The following LDAH variants were observed in gnomAD, a reference collection of about 807,000 sequenced individuals.
LDAH encodes the protein lipid droplet associated hydrolase, also known as lipid droplet-associated hydrolase.
LDAH carries 26 observed loss-of-function variants against 29.6 expected under a neutral mutation model. The ratio of observed to expected loss-of-function variants is 0.88; its 90% CI spans 0.64 to 1.22. The LOEUF is 1.22. LDAH is among the 50% of genes most tolerant of loss of function. The probability of loss-of-function intolerance (pLI) is 0.00; values close to 1 mark genes in which losing one functional copy is unlikely to be tolerated. For synonymous variants in LDAH, 117 were observed against 133.0 expected (o/e 0.88, Z 0.83); for missense variants, 344 against 387.3 (o/e 0.89, Z 0.94).
chr2:20,783,716 A>G (rs1670359814), intron 3 of LDAH, among the ~76,000 whole-genome samples: 1 of 151,950 alleles, frequency 6.6e-6, no homozygotes, highest in Admixed American at 6.6e-5. Flanking sequence ...TAAAATGTTT[A>G]TTTGTTTGTT....
rs562191227 is a variant in LDAH at position 20,735,361 on chromosome 2, A to G, written c.703+4610T>C. Among the ~76,000 whole-genome samples the G allele has an allele frequency of 2.6e-5, 4 of 151,994 alleles. No individual in the cohort carries two copies. The East Asian group carries it at 7.7e-4, about 29-fold the overall frequency. On this transcript the variant is annotated intron_variant, in intron 5 of 6. Coordinates refer to ENST00000237822, the MANE Select transcript of LDAH (RefSeq NM_021925.4). ...GGATAATTTCTATTAATCTAATCTC[A>G]TATTCACTGATTCTTTCCTCTTTGT...
At chr2:20,723,644 C>T (rs1665819597) in intron 5 of LDAH, among the ~76,000 whole-genome samples, 1 of 151,940 alleles carries the variant, frequency 6.6e-6, no homozygotes, top group Non-Finnish European at 1.5e-5. Flanking sequence ...GTAATTGCTC[C>T]AAGGAAGCCA....
chr2:20,740,815 A>G (rs556936260), intron 4 of LDAH, among the ~76,000 whole-genome samples: 1 of 152,296 alleles, frequency 6.6e-6, no homozygotes, highest in Middle Eastern at 3.4e-3. Context: ...CATGGTAAGA[A>G]TATGTTTAGC....
chr2:20,718,169 TA>T (rs1413823186), intron 5 of LDAH, among the ~76,000 whole-genome samples: 5 of 152,092 alleles, frequency 3.3e-5, no homozygotes, highest in Non-Finnish European at 5.9e-5. Flanking sequence ...TACCTATCAA[TA>T]ATAACATTGA....
chr2:20,779,464 T>C (rs1670034739), intron 3 of LDAH, among the ~76,000 whole-genome samples: 1 of 152,034 alleles, frequency 6.6e-6, no homozygotes, highest in East Asian at 1.9e-4. Context: ...TGTATACCTT[T>C]TTTTTTAAGA....
chr2:20,774,992 A>G lies in LDAH; in HGVS notation c.299-13T>C, dbSNP rs200378620. 1.9e-5 allele frequency: 30 copies of G among 1,576,394 alleles called. No homozygotes were observed. Among genetic ancestry groups the G allele is most frequent in the Non-Finnish European group, 2.5e-5 (29 of 1,156,648 alleles). Reference sequence around the variant, plus strand: ...TGAGCGTTTGAATCTAAAAGCAAAAATATGAGCACGTTTTCATTAAGTAAA... The same window carrying G: ...TGAGCGTTTGAATCTAAAAGCAAAAGTATGAGCACGTTTTCATTAAGTAAA... On this transcript the variant is annotated splice_polypyrimidine_tract_variant and intron_variant, in intron 3 of 6. Transcript: ENST00000237822.
rs370037239 is a variant in LDAH at position 20,711,672 on chromosome 2, C to T, written c.704-10020G>A. Among the ~76,000 whole-genome samples the T allele has an allele frequency of 3.3e-5, 5 of 152,210 alleles. No individual in the cohort carries two copies. In the South Asian group the frequency reaches 1.0e-3, roughly 32 times the overall value. ...ACAGACTGTACCTGGAAAAATGGGA[C>T]ACTCTTGCTCAAATACTGCACTTTT... On this transcript the variant is annotated intron_variant, in intron 5 of 6. Coordinates refer to ENST00000237822, the MANE Select transcript of LDAH (RefSeq NM_021925.4).
chr2:20,759,776 C>T (rs1209753687), intron 4 of LDAH, among the ~76,000 whole-genome samples: 3 of 152,132 alleles, frequency 2.0e-5, no homozygotes, highest in African/African-American at 4.8e-5. Context: ...TATGAATGTG[C>T]TCTTCTATGA....
intron 4 of LDAH, among the ~76,000 whole-genome samples, chr2:20,773,427 GA>G (rs1669567652): frequency 6.6e-6 from 1 of 152,154 alleles, no homozygotes; most frequent in East Asian, 1.9e-4. Context: ...ACACCATAAA[GA>G]TGGCAACCAC....
intron 1 of LDAH, among the ~76,000 whole-genome samples, chr2:20,809,333 A>G (rs1018408806): frequency 6.6e-6 from 1 of 152,248 alleles, no homozygotes; most frequent in African/African-American, 2.4e-5. Context: ...AGGGAGTCGG[A>G]GGTTGCAGTG....
chr2:20,758,754 G>A (rs1668486908), intron 4 of LDAH, among the ~76,000 whole-genome samples: 1 of 152,132 alleles, frequency 6.6e-6, no homozygotes, highest in Non-Finnish European at 1.5e-5. Context: ...GATGGTGTGG[G>A]ACAAAGCAGA....
intron 4 of LDAH, among the ~76,000 whole-genome samples, chr2:20,741,417 C>A (rs1667165795): frequency 6.6e-6 from 1 of 152,098 alleles, no homozygotes; most frequent in East Asian, 1.9e-4. Context: ...GAGCTATAAT[C>A]CATTTTGAGT....
intron 5 of LDAH, among the ~76,000 whole-genome samples, chr2:20,720,662 A>G (rs1442357066): frequency 6.6e-6 from 1 of 152,146 alleles, no homozygotes; most frequent in Non-Finnish European, 1.5e-5. Context: ...CGAATTGCTA[A>G]GGAATCCTAA....
intron 3 of LDAH, chr2:20,788,862 A>T: frequency 6.1e-6 from 2 of 330,004 alleles, no homozygotes; most frequent in South Asian, 6.8e-5. Context: ...TATTTAAGTT[A>T]TTTTTTCTCT....
intron 3 of LDAH, among the ~76,000 whole-genome samples, chr2:20,786,592 A>G (rs1272690912): frequency 6.6e-6 from 1 of 152,076 alleles, no homozygotes; most frequent in Non-Finnish European, 1.5e-5. Context: ...TTTCCCTAAG[A>G]ACTCCTTCTT....
rs182547287 is a variant in LDAH, at chr2:20,777,400, A to G, written c.299-2421T>C. 6.0e-3 allele frequency among the ~76,000 whole-genome samples: 910 copies of G among 152,306 alleles called. 13 individuals are homozygous for G. Among genetic ancestry groups the G allele is most frequent in the African/African-American group, 0.021 (871 of 41,572 alleles). On this transcript the variant is annotated intron_variant, in intron 3 of 6. Transcript: ENST00000237822. ...AAAAATGTACAATGACTGAAAATTT[A>G]AATGTGCTATCTTTTAAAATTTATT... is the stretch of plus-strand genomic sequence containing the variant.
At chr2:20,745,951 G>A (rs192586316) in intron 4 of LDAH, among the ~76,000 whole-genome samples, 1 of 152,228 alleles carries the variant, frequency 6.6e-6, no homozygotes, top group Non-Finnish European at 1.5e-5. Flanking sequence ...AAGGCAGTTA[G>A]GGGGTGAGCT....
At chr2:20,696,318 A>T (rs1044900300) in intron 6 of LDAH, among the ~76,000 whole-genome samples, 3 of 152,130 alleles carry the variant, frequency 2.0e-5, no homozygotes, top group African/African-American at 7.2e-5. Flanking sequence ...GCTAAGAGGG[A>T]TGGGGAGAGA....
rs576074876 is a variant in LDAH at position 20,686,772 on chromosome 2, G to C, written c.*131C>G. 1 of 789,226 alleles carries C rather than the reference G, an allele frequency of 1.3e-6. No individual in the cohort carries two copies. The highest frequency in any genetic ancestry group is 2.7e-5 in the East Asian group (1 of 37,456). The allele number at this position is 789,226 out of a possible 1,614,324, so 48.9% of individuals were successfully genotyped here. On this transcript the variant is annotated 3_prime_UTR_variant, in exon 7 of 7. Transcript: ENST00000237822. ...CCTATAACATGGCGAGCGGAGAGTT[G>C]GTTTGTAAGACAAAGGTTCTCACTT...
Sources: gnomAD v4.1 joint callset for allele counts (sites outside exome capture counted in the v4.1 genomes callset) on GRCh38, gnomAD v4.1.1 for gene constraint, MANE v1.5 for transcripts, NCBI Gene and HGNC (gene_info 2026-07-23, HGNC 2026-07-21) for gene names.